Variants in ZC3H12B observed in about 807,000 individuals in gnomAD.
ZC3H12B encodes probable ribonuclease ZC3H12B.
A neutral mutation model predicts 43.9 loss-of-function variants in ZC3H12B; 7 were observed. The observed-to-expected ratio is 0.16, with a 90% confidence interval of 0.09 to 0.30. ZC3H12B has a LOEUF of 0.30. ZC3H12B is among the 10% of genes least tolerant of loss of function. The pLI is 1.00. For missense variants in ZC3H12B, 475 were observed against 670.2 expected (o/e 0.71, Z 3.22); for synonymous variants, 222 against 241.7 (o/e 0.92, Z 0.76).
chrX:65,474,199 C>A (rs1159738040), intron 3 of ZC3H12B, among the ~76,000 whole-genome samples: 1 of 111,520 alleles, frequency 9.0e-6, no homozygotes, highest in East Asian at 2.8e-4. Context: ...GCTGAATTGA[C>A]CCTTTTATCA....
At chrX:65,177,512 A>G in the ZC3H12B span, among the ~76,000 whole-genome samples, 1 of 112,055 alleles carries the variant, frequency 8.9e-6, no homozygotes, top group Admixed American at 9.5e-5. Context: ...GATGACATGA[A>G]TGTATTTTTA....
chrX:65,482,728 T>C (rs2068078810), intron 3 of ZC3H12B, among the ~76,000 whole-genome samples: 1 of 112,123 alleles, frequency 8.9e-6, no homozygotes, highest in Non-Finnish European at 1.9e-5. Flanking sequence ...AGAGTGTGTG[T>C]AGTACTAAAT....
At chrX:65,374,936 G>A (rs1481875829) in intron 2 of ZC3H12B, among the ~76,000 whole-genome samples, 1 of 111,172 alleles carries the variant, frequency 9.0e-6, no homozygotes, top group Non-Finnish European at 1.9e-5. Flanking sequence ...CTCCCATCAG[G>A]TCCTTCCCAT....
chrX:65,422,925 C>CTTTTTTTTTTTTTTTTTTT (rs34567013), intron 3 of ZC3H12B, among the ~76,000 whole-genome samples: 3 of 46,181 alleles, frequency 6.5e-5, no homozygotes, highest in African/African-American at 1.1e-4. Context: ...TCTTTCTTTG[C>CTTTTTTTTTTTTTTTTTTT]TTTTTTTTTT....
chrX:65,309,265 G>A, the ZC3H12B span, among the ~76,000 whole-genome samples: 1 of 110,171 alleles, frequency 9.1e-6, no homozygotes, highest in Non-Finnish European at 1.9e-5. Flanking sequence ...TAAAAAAGAA[G>A]AAAAGAGAGA....
the ZC3H12B span, among the ~76,000 whole-genome samples, chrX:65,172,317 CT>C: frequency 7.2e-5 from 8 of 111,722 alleles, no homozygotes; most frequent in Non-Finnish European, 1.5e-4. Flanking sequence ...TTTAAGTTCC[CT>C]GTAGATTCTA....
chrX:65,330,245 C>T, the ZC3H12B span, among the ~76,000 whole-genome samples: 2 of 111,520 alleles, frequency 1.8e-5, no homozygotes, highest in African/African-American at 6.5e-5. Flanking sequence ...GATTTTTGCA[C>T]ATTAATTTTG....
chrX:65,407,802 G>T (rs1298653103), intron 3 of ZC3H12B, among the ~76,000 whole-genome samples: 2 of 113,272 alleles, frequency 1.8e-5, no homozygotes, highest in Non-Finnish European at 3.8e-5. Context: ...CACAGTCCCC[G>T]AACGCCCGAC....
At chrX:65,458,893 A>G (rs1338890282) in intron 3 of ZC3H12B, among the ~76,000 whole-genome samples, 3 of 111,403 alleles carry the variant, frequency 2.7e-5, no homozygotes, top group Non-Finnish European at 5.6e-5. Context: ...GACACAAAAA[A>G]CCCTTCAAAA....
At chrX:65,121,731 A>T in the ZC3H12B span, among the ~76,000 whole-genome samples, 1 of 110,172 alleles carries the variant, frequency 9.1e-6, no homozygotes, top group African/African-American at 3.3e-5. Context: ...AGTTCTTTTA[A>T]TTGTGATGTT....
chrX:65,412,093 C>T (rs990033637), intron 3 of ZC3H12B, among the ~76,000 whole-genome samples: 1 of 111,020 alleles, frequency 9.0e-6, no homozygotes, highest in African/African-American at 3.3e-5. Flanking sequence ...CTTCATAAAA[C>T]ATTTTTATCA....
chrX:65,408,320 G>A, intron 3 of ZC3H12B: 2 of 1,199,337 alleles, frequency 1.7e-6, no homozygotes, highest in Admixed American at 4.3e-5. Flanking sequence ...CAAACAGACT[G>A]AAATCGCCAA....
the ZC3H12B span, among the ~76,000 whole-genome samples, chrX:65,306,252 G>C: frequency 1.8e-3 from 202 of 112,433 alleles, no homozygotes; most frequent in African/African-American, 6.3e-3. Flanking sequence ...AACAACTAGA[G>C]CTCTCATACA....
the ZC3H12B span, among the ~76,000 whole-genome samples, chrX:65,251,433 T>C: frequency 9.0e-6 from 1 of 111,718 alleles, no homozygotes; most frequent in African/African-American, 3.3e-5. Flanking sequence ...TCTTTCTTGG[T>C]TCCATATGAA....
chrX:65,282,754 C>A, the ZC3H12B span, among the ~76,000 whole-genome samples: 1 of 111,126 alleles, frequency 9.0e-6, no homozygotes, highest in Admixed American at 9.5e-5. Flanking sequence ...ACACCTACAC[C>A]CTCCCAAGAC....
the ZC3H12B span, among the ~76,000 whole-genome samples, chrX:65,353,934 G>T: frequency 8.9e-6 from 1 of 111,983 alleles, no homozygotes; most frequent in South Asian, 3.7e-4. Flanking sequence ...TCTGGGCAGG[G>T]CATCTCAGGA....
the ZC3H12B span, among the ~76,000 whole-genome samples, chrX:65,188,294 T>C: frequency 3.6e-5 from 4 of 111,116 alleles, no homozygotes; most frequent in Non-Finnish European, 7.6e-5. Context: ...CTTTTCAATA[T>C]ACTGATTTCC....
the ZC3H12B span, among the ~76,000 whole-genome samples, chrX:65,118,654 T>G: frequency 9.0e-6 from 1 of 110,766 alleles, no homozygotes; most frequent in Non-Finnish European, 1.9e-5. Context: ...TTTCTTTTTT[T>G]TTGTTTTTTA....
the ZC3H12B span, among the ~76,000 whole-genome samples, chrX:65,098,215 C>T: frequency 2.0e-5 from 2 of 97,973 alleles, no homozygotes; most frequent in Non-Finnish European, 3.9e-5. Flanking sequence ...ATTTTACAGT[C>T]ATGTCTTAGT....
Sources: allele counts gnomAD v4.1 joint callset (sites outside exome capture counted in the v4.1 genomes callset), GRCh38; gene constraint gnomAD v4.1.1; transcripts MANE v1.5; gene names NCBI Gene and HGNC (gene_info 2026-07-23, HGNC 2026-07-21).